Variants in CGA observed in about 807,000 individuals in gnomAD.
The protein encoded by CGA is glycoprotein hormones alpha chain.
In CGA, 4 loss-of-function variants were observed where a neutral mutation model predicts 12.0. The observed-to-expected ratio is 0.33, with a 90% CI of 0.16 to 0.76. The LOEUF is 0.76. Among genes scored for constraint, CGA ranks in the 30% least tolerant of loss-of-function variants. The pLI is 0.60. For synonymous variants in CGA, 60 were observed against 56.6 expected (o/e 1.06, Z -0.27); for missense variants, 102 against 143.5 (o/e 0.71, Z 1.48).
chr6:87,092,368 T>C (rs939324495), intron 1 of CGA, among the ~76,000 whole-genome samples: 2 of 152,076 alleles, frequency 1.3e-5, no homozygotes, highest in African/African-American at 4.8e-5. Context: ...AGTAGGTATA[T>C]CCCTTAACTG....
At chr6:87,093,757 A>T (rs530173584) in intron 1 of CGA, among the ~76,000 whole-genome samples, 48 of 152,360 alleles carry the variant, frequency 3.2e-4, no homozygotes, top group African/African-American at 1.1e-3. Context: ...AGAAATGTAC[A>T]CTGCAACTGA....
At chr6:87,092,526 AGAG>A (rs1386073499) in intron 1 of CGA, among the ~76,000 whole-genome samples, 2 of 23,598 alleles carry the variant, frequency 8.5e-5, no homozygotes, top group Non-Finnish European at 1.6e-4. Context: ...AACAAAAAAG[AGAG>A]AGAGAGAGAG....
chr6:87,089,110 T>C (rs1038200820), intron 1 of CGA: 3 of 152,180 alleles, frequency 2.0e-5, no homozygotes, highest in Admixed American at 6.5e-5. Flanking sequence ...CTTGAATGGA[T>C]CTCAAGAGAA....
In CGA at chr6:87,088,170, A is replaced by G. The variant is rs1769358450; in HGVS notation, c.31T>C (p.Phe11Leu). The change falls in exon 2 of 4, where the codon TTT (phenylalanine) becomes CTT (leucine). Residue 11 changes from phenylalanine to leucine, a missense_variant. Physicochemically the swap from Phe to Leu is conservative, Grantham distance 22 (BLOSUM62 0). Transcript: ENST00000627148. Reference protein sequence around the residue: MDYYRKYAAIFLVTLSVFLHV... With the variant: MDYYRKYAAILLVTLSVFLHV... ...AGAAACACCGACAATGTGACCAGAAAGATAGCTGCATATTTTCTGTAGTAA... is the reference window on the plus strand; with the variant it reads ...AGAAACACCGACAATGTGACCAGAAGGATAGCTGCATATTTTCTGTAGTAA... 1 of 1,598,314 alleles carries G rather than the reference A, an allele frequency of 6.3e-7. No homozygotes were observed. The highest frequency in any genetic ancestry group is 8.5e-7 in the Non-Finnish European group (1 of 1,171,018).
At chr6:87,086,168 G>T in intron 3 of CGA, 82 bp downstream of exon 3, 1 of 1,260,520 alleles carries the variant, frequency 7.9e-7, no homozygotes, top group Non-Finnish European at 1.1e-6. Context: ...GACACCTTTG[G>T]CATTAAATTC....
At chr6:87,089,518 A>AT (rs1769391484) in intron 1 of CGA, among the ~76,000 whole-genome samples, 1 of 152,188 alleles carries the variant, frequency 6.6e-6, no homozygotes, top group Non-Finnish European at 1.5e-5. Flanking sequence ...TTCTCTGTAC[A>AT]TTTTTTGCAA....
chr6:87,090,691 G>T (rs1304387124), intron 1 of CGA, among the ~76,000 whole-genome samples: 2 of 146,888 alleles, frequency 1.4e-5, no homozygotes, highest in Non-Finnish European at 3.0e-5. Flanking sequence ...AGGATGGAAT[G>T]CAGTCATGCA....
intron 1 of CGA, among the ~76,000 whole-genome samples, chr6:87,093,152 TAGAG>T (rs1769472234): frequency 6.6e-6 from 1 of 152,184 alleles, no homozygotes; most frequent in African/African-American, 2.4e-5. Context: ...AACTACACAT[TAGAG>T]AATTTAAAAG....
At chr6:87,090,637 A>ATT (rs147883019) in intron 1 of CGA, among the ~76,000 whole-genome samples, 2,061 of 124,644 alleles carry the variant, frequency 0.017, 75 homozygotes, top group African/African-American at 0.06. Context: ...CTCTTCAATA[A>ATT]TTTTTTTTTT....
In CGA at chr6:87,095,021, G is replaced by A. The variant is rs1298460646; in HGVS notation, c.-16C>T. 6.6e-6 allele frequency: 1 copy of A among 152,140 alleles called. No homozygotes were observed. Among genetic ancestry groups the A allele is most frequent in the Non-Finnish European group, 1.5e-5 (1 of 68,040 alleles). 9.4% of individuals were successfully genotyped at this position (152,140 alleles called of 1,614,324 possible). ...TATTTCATTCATATTACCTTTCTCT[G>A]GGCTTTTTGCAGGATGTGTTCAGGG... On this transcript the variant is annotated 5_prime_UTR_variant, in exon 1 of 4. Coordinates refer to ENST00000627148, the MANE Select transcript of CGA (RefSeq NM_000735.4).
rs570169014 is a variant in CGA at position 87,093,138 on chromosome 6, A to T, written c.-8+1875T>A. Among the ~76,000 whole-genome samples, 8 of 152,260 alleles carry T rather than the reference A, an allele frequency of 5.3e-5. No individual in the cohort carries two copies. In the South Asian group the frequency reaches 6.2e-4, roughly 12 times the overall value. ...TTTCTTTACACCTGTGTCATATATTAAAAAACTACACATTAGAGAATTTAA... is the reference window on the plus strand; with the variant it reads ...TTTCTTTACACCTGTGTCATATATTTAAAAACTACACATTAGAGAATTTAA... On this transcript the variant is annotated intron_variant, in intron 1 of 3. Coordinates refer to ENST00000627148, the MANE Select transcript of CGA (RefSeq NM_000735.4).
intron 1 of CGA, among the ~76,000 whole-genome samples, chr6:87,089,363 C>T (rs994854057): frequency 1.4e-5 from 2 of 140,926 alleles, no homozygotes; most frequent in Non-Finnish European, 3.1e-5. Flanking sequence ...CATAACAGAG[C>T]ACTAGTATTA....
Position 87,091,065 on chromosome 6 carries a change from A to G in CGA, c.-7-2858T>C, listed in dbSNP as rs191106291. Among the ~76,000 whole-genome samples, 20 of 152,320 alleles carry G rather than the reference A, an allele frequency of 1.3e-4. No homozygotes were observed. In the East Asian group the frequency reaches 3.9e-3, roughly 29 times the overall value. On this transcript the variant is annotated intron_variant, in intron 1 of 3. Transcript: ENST00000627148. The stretch of plus-strand genomic sequence containing the variant: ...CTAGTTTCCTTTTTAAACTAGTATC[A>G]TGTTTGTGCCTTAATATTGCAGCTC...
At position 87,085,815 on chromosome 6, in the gene CGA, A is replaced by T; in HGVS notation, c.292T>A (p.Phe98Ile). 6.2e-7 allele frequency: 1 copy of T among 1,610,964 alleles called. No individual in the cohort carries two copies. Among genetic ancestry groups the T allele is most frequent in the Non-Finnish European group, 8.5e-7 (1 of 1,177,348 alleles). The part of the protein sequence containing the change: ...SYNRVTVMGG[F>I]KVENHTACHC... ...CACGCCGTGTGGTTCTCCACTTTGA[A>T]ACCCCCCATTACTGTGACCTAAAGG... Residue 98 changes from phenylalanine to isoleucine, a missense_variant, in exon 4 of 4, where the codon TTC becomes ATC. Physicochemically the swap from Phe to Ile is conservative, Grantham distance 21. Coordinates refer to ENST00000627148, the MANE Select transcript of CGA (RefSeq NM_000735.4).
intron 2 of CGA, chr6:87,086,705 G>T: frequency 3.0e-6 from 1 of 334,606 alleles, no homozygotes; most frequent in Non-Finnish European, 5.4e-6. Flanking sequence ...AGAATCGCTT[G>T]AAGCTGGGAG....
intron 1 of CGA, among the ~76,000 whole-genome samples, chr6:87,093,522 T>C (rs1451455115): frequency 6.6e-6 from 1 of 152,242 alleles, no homozygotes; most frequent in Admixed American, 6.5e-5. Flanking sequence ...CAGAAGTTGA[T>C]AGCAAACTAC....
At chr6:87,092,883 G>C (rs890073490) in intron 1 of CGA, among the ~76,000 whole-genome samples, 3 of 151,794 alleles carry the variant, frequency 2.0e-5, no homozygotes, top group African/African-American at 7.3e-5. Flanking sequence ...GGGTAACTGG[G>C]ACAACAGGAG....
chr6:87,088,379 A>T (rs567102355), intron 1 of CGA, among the ~76,000 whole-genome samples, 172 bp from the exon 2 acceptor site: 16 of 152,128 alleles, frequency 1.1e-4, no homozygotes, highest in Middle Eastern at 3.4e-3. Context: ...AATTTTTTTT[A>T]AAAAAAGTTC....
intron 1 of CGA, among the ~76,000 whole-genome samples, chr6:87,090,804 ATT>A (rs71014987): frequency 7.1e-6 from 1 of 140,382 alleles, no homozygotes; most frequent in Non-Finnish European, 1.5e-5. Context: ...CGCTTGGCTA[ATT>A]TTTTTTTTTT....
Sources: allele counts gnomAD v4.1 joint callset (sites outside exome capture counted in the v4.1 genomes callset), GRCh38; gene constraint gnomAD v4.1.1; transcripts MANE v1.5; gene names NCBI Gene and HGNC (gene_info 2026-07-23, HGNC 2026-07-21).